Variants in ITGA11 observed in about 807,000 individuals in gnomAD.
ITGA11 encodes integrin subunit alpha 11.
In ITGA11, 97 loss-of-function variants were observed where a neutral mutation model predicts 141.9. The ratio of observed to expected loss-of-function variants is 0.68; its 90% CI spans 0.58 to 0.81. The LOEUF (loss-of-function observed/expected upper bound fraction) is 0.81. Ranked by LOEUF, ITGA11 falls within the 30% of genes least tolerant of loss-of-function variation. The probability of loss-of-function intolerance (pLI) is 0.00; values close to 1 mark genes in which losing one functional copy is unlikely to be tolerated. For synonymous variants in ITGA11, 658 were observed against 624.6 expected, an observed-to-expected ratio of 1.05 and a Z score of -0.80; for missense variants, 1,387 against 1,559.2, an observed-to-expected ratio of 0.89 and a Z score of 1.86.
chr15:68,309,057 A>T (rs1280433629), intron 26 of ITGA11, among the ~76,000 whole-genome samples: 1 of 152,270 alleles, frequency 6.6e-6, no homozygotes, highest in African/African-American at 2.4e-5. Flanking sequence ...GAAATTTTAA[A>T]CAAGTGACAT....
chr15:68,391,269 C>A (rs58555408), intron 2 of ITGA11, among the ~76,000 whole-genome samples: 2,972 of 152,286 alleles, frequency 0.02, 109 homozygotes, highest in African/African-American at 0.068. Context: ...ATGCTCAGGT[C>A]CAGTGGCTGC....
At position 68,400,758 on chromosome 15, in the gene ITGA11, A is replaced by AATATTATATATTATATAATAAATATT. The variant is rs1566938661; in HGVS notation, c.164+2134_164+2159dup. ...TTATATATTATATAATAAATATTAT[A>AATATTATATATTATATAATAAATATT]ATATTATATATTATATAATAAATAT... is the stretch of plus-strand genomic sequence containing the variant. On this transcript the variant is annotated intron_variant, in intron 2 of 29. Transcript: ENST00000315757. Among the ~76,000 whole-genome samples the AATATTATATATTATATAATAAATATT allele has an allele frequency of 9.2e-4, 16 of 17,486 alleles. 3 individuals are homozygous for AATATTATATATTATATAATAAATATT. The highest frequency in any genetic ancestry group is 1.2e-3 in the Non-Finnish European group (15 of 12,896). The allele number at this position is 17,486 out of a possible 152,430, so 11.5% of individuals were successfully genotyped here. A position where few individuals can be genotyped will look rare whatever the true frequency, so the allele number is the denominator to read the frequency against.
At chr15:68,323,332 G>C (rs2140292136) in intron 18 of ITGA11, among the ~76,000 whole-genome samples, 1 of 152,268 alleles carries the variant, frequency 6.6e-6, no homozygotes, top group Non-Finnish European at 1.5e-5. Flanking sequence ...AAAACAGCCA[G>C]CTCCCACTCA....
At chr15:68,428,990 T>G (rs749789639) in intron 1 of ITGA11, among the ~76,000 whole-genome samples, 5 of 152,224 alleles carry the variant, frequency 3.3e-5, no homozygotes, top group Non-Finnish European at 7.3e-5. Context: ...TTCTTCAATG[T>G]ACTTCCTCTA....
Position 68,307,514 on chromosome 15 carries a change from C to T in ITGA11, c.3286-71G>A, listed in dbSNP as rs562032787. On this transcript the variant is annotated intron_variant, in intron 27 of 29. Coordinates refer to ENST00000315757, the MANE Select transcript of ITGA11 (RefSeq NM_001004439.2). This position sits in a 1 kb window ranked among gnomAD's most constrained non-coding sequence, Gnocchi z 6.1. Reference sequence around the variant, plus strand: ...TTCCCGTCCCCTCCCCAGGCAGCCCCAGGTGGAAGACATCCCAACAGCCGC... The same window carrying T: ...TTCCCGTCCCCTCCCCAGGCAGCCCTAGGTGGAAGACATCCCAACAGCCGC... 1 of 1,516,568 alleles carries T rather than the reference C, an allele frequency of 6.6e-7. No individual in the cohort carries two copies. The highest frequency in any genetic ancestry group is 1.9e-5 in the Admixed American group (1 of 51,838). 93.9% of individuals were successfully genotyped at this position (1,516,568 alleles called of 1,614,324 possible).
chr15:68,417,206 A>G (rs930332853), intron 1 of ITGA11, among the ~76,000 whole-genome samples: 3 of 152,136 alleles, frequency 2.0e-5, no homozygotes, highest in Non-Finnish European at 2.9e-5. Context: ...GTCTCATAAC[A>G]TCTCACATTT....
At chr15:68,327,299 C>T (rs1183790724) in intron 16 of ITGA11, among the ~76,000 whole-genome samples, 1 of 152,236 alleles carries the variant, frequency 6.6e-6, no homozygotes, top group African/African-American at 2.4e-5. Context: ...CTGCTGCCTC[C>T]TCCCCTTCAG....
intron 2 of ITGA11, among the ~76,000 whole-genome samples, chr15:68,393,749 T>C (rs1896169773): frequency 6.6e-6 from 1 of 152,064 alleles, no homozygotes; most frequent in African/African-American, 2.4e-5. Flanking sequence ...AAGAAAATTA[T>C]CTCAAATGAG....
chr15:68,313,289 G>A (rs1399890721), intron 23 of ITGA11, among the ~76,000 whole-genome samples: 1 of 148,790 alleles, frequency 6.7e-6, no homozygotes, highest in Non-Finnish European at 1.5e-5. Flanking sequence ...GACAGGGGCT[G>A]TTTCCTCCAT....
Position 68,422,794 on chromosome 15 carries a change from C to T in ITGA11, c.52+9221G>A, listed in dbSNP as rs535606102. ...AACCCTCTTGCTGCCAGACCCAGTC[C>T]TTCTTGCATTTACAAATAATCTCTC... On this transcript the variant is annotated intron_variant, in intron 1 of 29. Coordinates refer to ENST00000315757, the MANE Select transcript of ITGA11 (RefSeq NM_001004439.2). 2.0e-5 allele frequency among the ~76,000 whole-genome samples: 3 copies of T among 152,296 alleles called. No individual in the cohort carries two copies. The South Asian group carries it at 6.2e-4, about 32-fold the overall frequency.
intron 19 of ITGA11, among the ~76,000 whole-genome samples, chr15:68,320,751 G>C (rs1415605466): frequency 1.3e-5 from 2 of 152,124 alleles, no homozygotes; most frequent in Non-Finnish European, 2.9e-5. Flanking sequence ...CCTTATTTTA[G>C]CCTAGCTGGT....
intron 5 of ITGA11, among the ~76,000 whole-genome samples, chr15:68,359,677 A>T (rs1273403924): frequency 6.6e-6 from 1 of 151,612 alleles, no homozygotes; most frequent in Non-Finnish European, 1.5e-5. Context: ...AACAAATAAA[A>T]AAAAAACTAA....
intron 1 of ITGA11, among the ~76,000 whole-genome samples, chr15:68,423,064 C>G (rs1897056702): frequency 6.6e-6 from 1 of 152,138 alleles, no homozygotes; most frequent in Admixed American, 6.5e-5. Flanking sequence ...TCTACCCTGC[C>G]CTTAAATAGC....
At chr15:68,386,709 C>T (rs1206144698) in intron 2 of ITGA11, among the ~76,000 whole-genome samples, 1 of 152,224 alleles carries the variant, frequency 6.6e-6, no homozygotes, top group Non-Finnish European at 1.5e-5. Flanking sequence ...CCTTTTTCTC[C>T]TGGTCCAGGG....
chr15:68,335,479 C>T lies in ITGA11; in HGVS notation c.1425+218G>A, dbSNP rs1894317471. ...TTCCCATTCCTCATTGCTTCCATTC[C>T]AGGAAAAGGGAAGCAGCTGGCATCC... On this transcript the variant is annotated intron_variant, in intron 12 of 29. Coordinates refer to ENST00000315757, the MANE Select transcript of ITGA11 (RefSeq NM_001004439.2). This position sits in a 1 kb window ranked among gnomAD's most constrained non-coding sequence, Gnocchi z 4.9. Among the ~76,000 whole-genome samples, 1 of 152,242 alleles carries T rather than the reference C, an allele frequency of 6.6e-6. No homozygotes were observed. The highest frequency in any genetic ancestry group is 2.1e-4 in the South Asian group (1 of 4,838).
chr15:68,407,435 C>T (rs553112229), intron 1 of ITGA11, among the ~76,000 whole-genome samples: 6 of 152,310 alleles, frequency 3.9e-5, no homozygotes, highest in Admixed American at 3.3e-4. Context: ...TCTCTGACCT[C>T]GGCTCCTGAC....
At chr15:68,340,615 T>C (rs1174015838) in intron 10 of ITGA11, among the ~76,000 whole-genome samples, 2 of 152,082 alleles carry the variant, frequency 1.3e-5, no homozygotes, top group Non-Finnish European at 2.9e-5. Context: ...AAGGTCTTGT[T>C]CTACCCACCA....
At chr15:68,354,124 C>T (rs552674970) in intron 7 of ITGA11, among the ~76,000 whole-genome samples, 50 of 152,294 alleles carry the variant, frequency 3.3e-4, no homozygotes, top group South Asian at 1.7e-3. Flanking sequence ...CCCGCTACCA[C>T]ACTCCATTCT....
At chr15:68,320,131 T>C in intron 20 of ITGA11, 54 bp downstream of exon 20, 1 of 1,532,256 alleles carries the variant, frequency 6.5e-7, no homozygotes, top group Non-Finnish European at 9.0e-7. Context: ...CACCTGGCCT[T>C]CCTTTTCCTC....
Sources: gnomAD v4.1 joint callset for allele counts (sites outside exome capture counted in the v4.1 genomes callset) on GRCh38, gnomAD v4.1.1 for gene constraint, Gnocchi (gnomAD v3.1) non-coding constraint, MANE v1.5 for transcripts, NCBI Gene and HGNC (gene_info 2026-07-23, HGNC 2026-07-21) for gene names.